The following CYP7B1 variants were observed in gnomAD, a reference collection of about 807,000 sequenced individuals.
CYP7B1 encodes the protein cytochrome P450 7B1.
A neutral mutation model predicts 42.7 loss-of-function variants in CYP7B1; 29 were observed. That is an observed-to-expected ratio of 0.68 (90% CI 0.51 to 0.93). CYP7B1 has a LOEUF of 0.93. Among genes scored for constraint, CYP7B1 ranks in the 40% least tolerant of loss-of-function variants. CYP7B1 has a pLI of 0.00. For synonymous variants in CYP7B1, 235 were observed against 218.2 expected (o/e 1.08, Z -0.68); for missense variants, 655 against 600.5 (o/e 1.09, Z -0.95).
chr8:64,785,753 G>A (rs1169056587), intron 1 of CYP7B1, among the ~76,000 whole-genome samples: 2 of 152,084 alleles, frequency 1.3e-5, no homozygotes, highest in Non-Finnish European at 2.9e-5. Flanking sequence ...TTAGGGCCAT[G>A]GAACTATTCT....
At chr8:64,713,061 G>T (rs1353538647) in intron 1 of CYP7B1, among the ~76,000 whole-genome samples, 3 of 152,052 alleles carry the variant, frequency 2.0e-5, no homozygotes, top group Non-Finnish European at 2.9e-5. Context: ...TTATATAAGA[G>T]AAATTGAATA....
At chr8:64,657,853 G>A (rs1487239750) in intron 1 of CYP7B1, among the ~76,000 whole-genome samples, 1 of 152,158 alleles carries the variant, frequency 6.6e-6, no homozygotes, top group Non-Finnish European at 1.5e-5. Context: ...AAAGTGATCT[G>A]TCTTAGTCCA....
At chr8:64,732,606 T>C (rs1398711216) in intron 1 of CYP7B1, among the ~76,000 whole-genome samples, 1 of 152,260 alleles carries the variant, frequency 6.6e-6, no homozygotes, top group Middle Eastern at 3.4e-3. Flanking sequence ...TAGGATGGCA[T>C]ATTGTGTTTT....
intron 1 of CYP7B1, among the ~76,000 whole-genome samples, chr8:64,635,689 A>G (rs1477968500): frequency 1.3e-5 from 2 of 152,222 alleles, no homozygotes; most frequent in Non-Finnish European, 2.9e-5. Context: ...ATATTTCTCC[A>G]TGGAATTTCT....
intron 1 of CYP7B1, among the ~76,000 whole-genome samples, chr8:64,721,676 T>G (rs941621088): frequency 6.6e-6 from 1 of 152,158 alleles, no homozygotes. Flanking sequence ...CCATCCTGGA[T>G]TCTATCTAAT....
At chr8:64,644,740 T>C (rs2129631062) in intron 1 of CYP7B1, among the ~76,000 whole-genome samples, 1 of 152,280 alleles carries the variant, frequency 6.6e-6, no homozygotes, top group Admixed American at 6.5e-5. Context: ...CGTGCACATG[T>C]AGAGTAGATT....
At chr8:64,781,601 T>G (rs1585911513) in intron 1 of CYP7B1, among the ~76,000 whole-genome samples, 1 of 152,140 alleles carries the variant, frequency 6.6e-6, no homozygotes, top group Admixed American at 6.6e-5. Flanking sequence ...TCAAATCATA[T>G]AACTCTGACC....
intron 1 of CYP7B1, among the ~76,000 whole-genome samples, chr8:64,663,953 C>T (rs558196898): frequency 2.8e-4 from 43 of 152,102 alleles, no homozygotes; most frequent in African/African-American, 8.9e-4. Flanking sequence ...CTGTGGTAGA[C>T]GAAAAAAATG....
rs949969795 is a variant in CYP7B1, at chr8:64,591,861, C to A, written c.*4781G>T. Among the ~76,000 whole-genome samples the A allele has an allele frequency of 6.6e-6, 1 of 152,008 alleles. No homozygotes were observed. The highest frequency in any genetic ancestry group is 2.4e-5 in the African/African-American group (1 of 41,358). ...TATTTTGGGTATTAATTATTTATTT[C>A]TTTTAATTCAAAACTTAGGTGAAGC... On this transcript the variant is annotated 3_prime_UTR_variant, in exon 6 of 6. Transcript: ENST00000310193.
In CYP7B1 at chr8:64,594,018, T is replaced by C. The variant is rs1805078158; in HGVS notation, c.*2624A>G. Among the ~76,000 whole-genome samples, 3 of 151,704 alleles carry C rather than the reference T, an allele frequency of 2.0e-5. No individual in the cohort carries two copies. The highest frequency in any genetic ancestry group is 7.3e-5 in the African/African-American group (3 of 41,288). On this transcript the variant is annotated 3_prime_UTR_variant, in exon 6 of 6. Coordinates refer to ENST00000310193, the MANE Select transcript of CYP7B1 (RefSeq NM_004820.5). ...AATCAACCTTGGAGACCCTACAGAA[T>C]GGAGAGGATTGGATGGATCTGAGGA...
chr8:64,630,760 A>C (rs908252222), intron 1 of CYP7B1, among the ~76,000 whole-genome samples: 3 of 152,258 alleles, frequency 2.0e-5, no homozygotes, highest in African/African-American at 7.2e-5. Context: ...TTTGTTTAGA[A>C]GCAAAGTTTC....
chr8:64,695,111 G>C (rs1472364998), intron 1 of CYP7B1, among the ~76,000 whole-genome samples: 1 of 152,198 alleles, frequency 6.6e-6, no homozygotes, highest in Admixed American at 6.5e-5. Context: ...GCCATGCTGA[G>C]AAAGGAATGG....
At chr8:64,680,532 A>T (rs1291749845) in intron 1 of CYP7B1, among the ~76,000 whole-genome samples, 1 of 151,654 alleles carries the variant, frequency 6.6e-6, no homozygotes, top group Non-Finnish European at 1.5e-5. Flanking sequence ...TGTTTCATTT[A>T]GAAAATAAAA....
chr8:64,636,697 T>G (rs1019166097), intron 1 of CYP7B1, among the ~76,000 whole-genome samples: 3 of 152,190 alleles, frequency 2.0e-5, no homozygotes, highest in Non-Finnish European at 2.9e-5. Context: ...TGAAAGAAAC[T>G]CTAACATTCT....
intron 1 of CYP7B1, among the ~76,000 whole-genome samples, chr8:64,751,313 A>C (rs1807722017): frequency 6.6e-6 from 1 of 152,110 alleles, no homozygotes; most frequent in Non-Finnish European, 1.5e-5. Flanking sequence ...TTATCCACAA[A>C]ATGACATCAC....
intron 1 of CYP7B1, among the ~76,000 whole-genome samples, chr8:64,733,618 AGGCTTG>A (rs2129633138): frequency 6.6e-6 from 1 of 152,286 alleles, no homozygotes; most frequent in Non-Finnish European, 1.5e-5. Context: ...AGGCTGACAC[AGGCTTG>A]GCATTTTTGG....
At chr8:64,673,610 G>GT (rs1211778763) in intron 1 of CYP7B1, among the ~76,000 whole-genome samples, 1 of 152,092 alleles carries the variant, frequency 6.6e-6, no homozygotes, top group Non-Finnish European at 1.5e-5. Context: ...AAACTAACCA[G>GT]TATTTTGAAC....
In CYP7B1 at chr8:64,616,275, T is replaced by C. The variant is rs1234271665; in HGVS notation, c.266A>G (p.Tyr89Cys). Reference protein sequence around the residue: ...DTFTVLLGGKYITFILDPFQY... With the variant: ...DTFTVLLGGKCITFILDPFQY... ...GAAGGGGTCCAGGATAAATGTTATG[T>C]ACTTTCCTAGAAAAAAAAAAAGAGA... The change falls in exon 3 of 6, where the codon TAC (tyrosine) becomes TGC (cysteine). Residue 89 changes from tyrosine to cysteine, a missense_variant. Coordinates refer to ENST00000310193, the MANE Select transcript of CYP7B1 (RefSeq NM_004820.5). 4.3e-5 allele frequency: 68 copies of C among 1,577,836 alleles called. No homozygotes were observed. Among genetic ancestry groups the C allele is most frequent in the Non-Finnish European group, 5.6e-5 (65 of 1,156,266 alleles).
chr8:64,696,954 A>C (rs1335356135), intron 1 of CYP7B1, among the ~76,000 whole-genome samples: 3 of 152,180 alleles, frequency 2.0e-5, no homozygotes, highest in South Asian at 4.1e-4. Context: ...GTGAAAAATA[A>C]ATGATGACAA....
Sources: allele counts gnomAD v4.1 joint callset (sites outside exome capture counted in the v4.1 genomes callset), GRCh38; gene constraint gnomAD v4.1.1; transcripts MANE v1.5; gene names NCBI Gene and HGNC (gene_info 2026-07-23, HGNC 2026-07-21).